ARID1B: variants seen among roughly 807,000 people sequenced by gnomAD.
ARID1B encodes the protein AT-rich interactive domain-containing protein 1B.
Under a neutral mutation model 212.3 loss-of-function variants are expected in ARID1B, and 30 were observed. The ratio of observed to expected loss-of-function variants is 0.14; its 90% CI spans 0.11 to 0.19. ARID1B has a LOEUF of 0.19. Among genes scored for constraint, ARID1B ranks in the 10% least tolerant of loss-of-function variants. The probability of loss-of-function intolerance (pLI) is 1.00; values close to 1 mark genes in which losing one functional copy is unlikely to be tolerated. For synonymous variants in ARID1B, 1,402 were observed against 1,301.7 expected (o/e 1.08, Z -1.66); for missense variants, 2,891 against 3,204.0 (o/e 0.90, Z 2.36).
intron 4 of ARID1B, among the ~76,000 whole-genome samples, chr6:157,021,470 C>A (rs1780253951): frequency 6.6e-6 from 1 of 152,340 alleles, no homozygotes; most frequent in South Asian, 2.1e-4. Context: ...TGCCGGCAGG[C>A]CCCGCTCGCT....
In ARID1B at chr6:157,032,629, A is replaced by G. The variant is rs1781084083; in HGVS notation, c.2248-52033A>G. 2.6e-5 allele frequency among the ~76,000 whole-genome samples: 4 copies of G among 152,306 alleles called. No individual in the cohort carries two copies. In the South Asian group the frequency reaches 8.3e-4, roughly 32 times the overall value. On this transcript the variant is annotated intron_variant, in intron 4 of 19. Transcript: ENST00000636930. ...AATTTTTGCTACCTTGAAAGATAAGATGTTTATTCACATTTCCATGATTAT... is the reference window on the plus strand; with the variant it reads ...AATTTTTGCTACCTTGAAAGATAAGGTGTTTATTCACATTTCCATGATTAT...
chr6:157,008,651 T>C (rs898249353), intron 4 of ARID1B, among the ~76,000 whole-genome samples: 2 of 152,138 alleles, frequency 1.3e-5, no homozygotes, highest in Admixed American at 1.3e-4. Flanking sequence ...AATGTGACTT[T>C]GAGTTGGGTG....
chr6:157,081,516 T>C lies in ARID1B; in HGVS notation c.2248-3146T>C, dbSNP rs1583274038. On this transcript the variant is annotated intron_variant, in intron 4 of 19. Transcript: ENST00000636930. ...GTAACAGTAATATAATAATTATATC[T>C]TTTTATTACTCTTCTGTTACACTGA... Among the ~76,000 whole-genome samples, 6 of 152,356 alleles carry C rather than the reference T, an allele frequency of 3.9e-5. No individual in the cohort carries two copies. In the South Asian group the frequency reaches 1.2e-3, roughly 32 times the overall value.
intron 2 of ARID1B, among the ~76,000 whole-genome samples, chr6:156,856,835 A>G (rs287914): frequency 0.64 from 97,396 of 151,502 alleles, 31,714 homozygotes; most frequent in African/African-American, 0.7. Flanking sequence ...GTGACAAAAT[A>G]TAAGGGGAAG....
At chr6:156,860,890 T>G (rs1393894594) in intron 2 of ARID1B, among the ~76,000 whole-genome samples, 5 of 152,248 alleles carry the variant, frequency 3.3e-5, no homozygotes. Context: ...TTGGTCTATT[T>G]AAGCACTCTG....
At chr6:156,785,623 CATT>C (rs141454270) in intron 1 of ARID1B, among the ~76,000 whole-genome samples, 1,703 of 152,196 alleles carry the variant, frequency 0.011, 34 homozygotes, top group African/African-American at 0.039. Flanking sequence ...AGTACATTGT[CATT>C]GTTGTGTGGC....
intron 2 of ARID1B, among the ~76,000 whole-genome samples, chr6:156,854,048 G>T (rs987913764): frequency 1.3e-5 from 2 of 152,148 alleles, no homozygotes; most frequent in Non-Finnish European, 1.5e-5. Context: ...ATAAATTTTT[G>T]TGAGGTTAAA....
chr6:157,138,401 A>AT lies in ARID1B; in HGVS notation c.2761+5202dup, dbSNP rs200353576. 6.8e-4 allele frequency among the ~76,000 whole-genome samples: 104 copies of AT among 151,932 alleles called. 1 individual carries two copies. The East Asian group carries it at 0.018, about 26-fold the overall frequency. On this transcript the variant is annotated intron_variant, in intron 7 of 19. Coordinates refer to ENST00000636930, the MANE Select transcript of ARID1B (RefSeq NM_001374828.1). ...CAGACATGCACCCCACGCCGGGCTA[A>AT]TTTTTTTTGTATTTTTTGTAGAGAC...
At chr6:157,101,958 T>A (rs1786073961) in intron 5 of ARID1B, among the ~76,000 whole-genome samples, 1 of 152,226 alleles carries the variant, frequency 6.6e-6, no homozygotes, top group Non-Finnish European at 1.5e-5. Flanking sequence ...AAGGAAGGAA[T>A]AATTTTTCTA....
At chr6:157,017,963 C>CAAA (rs112983063) in intron 4 of ARID1B, among the ~76,000 whole-genome samples, 45,834 of 96,728 alleles carry the variant, frequency 0.47, 10,237 homozygotes, top group East Asian at 0.65. Flanking sequence ...ACCATCTCTA[C>CAAA]AAAAAAAAAA....
At chr6:156,948,794 G>T (rs751209528) in intron 4 of ARID1B, among the ~76,000 whole-genome samples, 2 of 152,176 alleles carry the variant, frequency 1.3e-5, no homozygotes, top group African/African-American at 4.8e-5. Flanking sequence ...AATAAGAAAA[G>T]AAATCCTCAA....
At chr6:157,142,943 T>C (rs528967288) in intron 7 of ARID1B, among the ~76,000 whole-genome samples, 11 of 152,314 alleles carry the variant, frequency 7.2e-5, no homozygotes, top group East Asian at 5.8e-4. Flanking sequence ...GTGGAAACAT[T>C]TAGTAGTTTA....
intron 4 of ARID1B, among the ~76,000 whole-genome samples, chr6:157,017,380 A>G (rs1779970503): frequency 6.6e-6 from 1 of 152,210 alleles, no homozygotes; most frequent in Non-Finnish European, 1.5e-5. Context: ...TAAAACATCT[A>G]TTGGGGACCA....
At position 157,034,063 on chromosome 6, in the gene ARID1B, T is replaced by C. The variant is rs1369198118; in HGVS notation, c.2248-50599T>C. ...TTTTACATTTGATTAAACCTGTGAC[T>C]TTTTTTTTCTTACTGCTAATTTTTA... On this transcript the variant is annotated intron_variant, in intron 4 of 19. Coordinates refer to ENST00000636930, the MANE Select transcript of ARID1B (RefSeq NM_001374828.1). 5.3e-5 allele frequency among the ~76,000 whole-genome samples: 8 copies of C among 151,766 alleles called. 1 individual carries two copies. Among genetic ancestry groups the C allele is most frequent in the Non-Finnish European group, 1.0e-4 (7 of 67,886 alleles).
intron 9 of ARID1B, chr6:157,168,864 T>G (rs1376113377): frequency 6.6e-6 from 1 of 152,226 alleles, no homozygotes; most frequent in Non-Finnish European, 1.5e-5. Context: ...CATTGTACAT[T>G]TTGAAACATT....
At chr6:157,187,672 G>A (rs1276834934) in intron 13 of ARID1B, among the ~76,000 whole-genome samples, 1 of 151,652 alleles carries the variant, frequency 6.6e-6, no homozygotes, top group Admixed American at 6.6e-5. Context: ...TCTGGCAAAA[G>A]GTAGGGATGT....
intron 3 of ARID1B, among the ~76,000 whole-genome samples, chr6:156,909,228 C>G (rs545661573): frequency 1.4e-5 from 2 of 146,828 alleles, no homozygotes; most frequent in African/African-American, 2.6e-5. Flanking sequence ...TGAATTCAAG[C>G]AATTCTCCTG....
intron 7 of ARID1B, among the ~76,000 whole-genome samples, chr6:157,147,566 G>A (rs1198081096): frequency 4.3e-4 from 1 of 2,346 alleles, no homozygotes; most frequent in Non-Finnish European, 6.9e-4. Flanking sequence ...CCTGCCCTCC[G>A]TCCCTCACCT....
intron 8 of ARID1B, among the ~76,000 whole-genome samples, chr6:157,158,258 T>A (rs1313792975): frequency 6.6e-6 from 1 of 152,234 alleles, no homozygotes; most frequent in Non-Finnish European, 1.5e-5. Flanking sequence ...AATGTTTGGC[T>A]TTACCAAACT....
Sources: allele counts gnomAD v4.1 joint callset (sites outside exome capture counted in the v4.1 genomes callset), GRCh38; gene constraint gnomAD v4.1.1; transcripts MANE v1.5; gene names NCBI Gene and HGNC (gene_info 2026-07-23, HGNC 2026-07-21).